The following ATRN variants were observed in gnomAD, a reference collection of about 807,000 sequenced individuals.
ATRN encodes the protein attractin, also known as attractin-2.
A neutral mutation model predicts 178.7 loss-of-function variants in ATRN; 54 were observed. The observed-to-expected ratio is 0.30, with a 90% CI of 0.24 to 0.38. ATRN has a LOEUF of 0.38. Among genes scored for constraint, ATRN ranks in the 10% least tolerant of loss-of-function variants. The probability of loss-of-function intolerance (pLI) is 1.00; values close to 1 mark genes in which losing one functional copy is unlikely to be tolerated. For missense variants in ATRN, 1,443 were observed against 1,815.1 expected (o/e 0.79, Z 3.73); for synonymous variants, 636 against 663.0 (o/e 0.96, Z 0.63).
intron 24 of ATRN, among the ~76,000 whole-genome samples, chr20:3,620,984 A>AT (rs908415193): frequency 8.6e-5 from 13 of 151,406 alleles, no homozygotes; most frequent in African/African-American, 1.9e-4. Flanking sequence ...TTTTTATTTT[A>AT]TTTTTTTTTA....
rs1241450033 is a variant in ATRN, at chr20:3,562,422, G to T, written c.1594G>T (p.Asp532Tyr). The change falls in exon 9 of 29, where the codon GAT becomes TAT. Residue 532 changes from aspartate to tyrosine, a missense_variant. Transcript: ENST00000262919. ...AFSANKYRLADDLYRYDVDTQ... is the reference protein window; with the variant it reads ...AFSANKYRLAYDLYRYDVDTQ... The stretch of plus-strand genomic sequence containing the variant: ...CAGTGCCAATAAGTACCGGCTTGCA[G>T]ATGATCTCTACCGATATGATGTGGA... The T allele has an allele frequency of 1.9e-6, 3 of 1,614,204 alleles. No homozygotes were observed. Among genetic ancestry groups the T allele is most frequent in the Admixed American group, 3.3e-5 (2 of 60,024 alleles).
At chr20:3,520,541 C>G (rs1031973297) in intron 1 of ATRN, among the ~76,000 whole-genome samples, 2 of 152,162 alleles carry the variant, frequency 1.3e-5, no homozygotes, top group Non-Finnish European at 2.9e-5. Context: ...GTCACCCAGG[C>G]TGGAGTGCAG....
chr20:3,619,158 C>T (rs1490892267), intron 24 of ATRN, among the ~76,000 whole-genome samples: 1 of 152,216 alleles, frequency 6.6e-6, no homozygotes, highest in Non-Finnish European at 1.5e-5. Context: ...AGCGGAAAGA[C>T]TTCACCTCAC....
intron 24 of ATRN, among the ~76,000 whole-genome samples, chr20:3,623,625 G>T (rs1235165827): frequency 1.3e-5 from 2 of 152,056 alleles, no homozygotes; most frequent in African/African-American, 4.8e-5. Context: ...ACCTTGGTCA[G>T]TAATTGTTTC....
chr20:3,630,021 C>G (rs1056098778), intron 25 of ATRN, among the ~76,000 whole-genome samples: 1 of 152,194 alleles, frequency 6.6e-6, no homozygotes, highest in Non-Finnish European at 1.5e-5. Flanking sequence ...TCTCCAGCCC[C>G]TTTCCCCTTC....
chr20:3,533,063 A>G (rs546538404), intron 1 of ATRN, among the ~76,000 whole-genome samples: 8 of 152,272 alleles, frequency 5.3e-5, no homozygotes, highest in African/African-American at 1.7e-4. Context: ...CGCCCAGCCT[A>G]TGGTATGGGC....
intron 11 of ATRN, among the ~76,000 whole-genome samples, chr20:3,570,800 C>T (rs2086110747): frequency 6.6e-6 from 1 of 152,144 alleles, no homozygotes; most frequent in African/African-American, 2.4e-5. Flanking sequence ...TAAGGGGTGA[C>T]AGGAGGGAGA....
At chr20:3,481,550 C>T (rs941991814) in intron 1 of ATRN, among the ~76,000 whole-genome samples, 17 of 152,016 alleles carry the variant, frequency 1.1e-4, no homozygotes, top group South Asian at 2.1e-4. Context: ...CTCACTATGT[C>T]GCCCAGGCTG....
At chr20:3,545,947 T>C in intron 4 of ATRN, 57 bp downstream of exon 4, 1 of 1,564,470 alleles carries the variant, frequency 6.4e-7, no homozygotes, top group South Asian at 1.1e-5. Flanking sequence ...CTACTATGTT[T>C]TAACAACAAT....
At chr20:3,558,961 A>G (rs1600105667) in intron 6 of ATRN, among the ~76,000 whole-genome samples, 1 of 152,322 alleles carries the variant, frequency 6.6e-6, no homozygotes, top group East Asian at 1.9e-4. Context: ...TTTTTAGTCA[A>G]TTATATAAAG....
Position 3,633,024 on chromosome 20 carries a change from G to C in ATRN, c.3864-1287G>C, listed in dbSNP as rs141759360. On this transcript the variant is annotated intron_variant, in intron 25 of 28. Coordinates refer to ENST00000262919, the MANE Select transcript of ATRN (RefSeq NM_139321.3). ...GCACACCTGTAGTCCAAGCTACTCA[G>C]GAGGCTAAAAGAGGAGAATAGAATC... Among the ~76,000 whole-genome samples, 1,215 of 152,294 alleles carry C rather than the reference G, an allele frequency of 8.0e-3. 21 individuals carry two copies. Among genetic ancestry groups the C allele is most frequent in the African/African-American group, 0.028 (1,145 of 41,558 alleles).
intron 25 of ATRN, among the ~76,000 whole-genome samples, chr20:3,627,980 G>A (rs1040733203): frequency 6.6e-6 from 1 of 152,140 alleles, no homozygotes; most frequent in Non-Finnish European, 1.5e-5. Flanking sequence ...AGACCATCCT[G>A]GCTAACACGG....
chr20:3,631,379 A>T, intron 25 of ATRN, among the ~76,000 whole-genome samples: 1 of 152,222 alleles, frequency 6.6e-6, no homozygotes, highest in East Asian at 1.9e-4. Flanking sequence ...AAATTCGATG[A>T]TTCAAATGAG....
At chr20:3,569,520 G>A (rs1361005435) in intron 11 of ATRN, among the ~76,000 whole-genome samples, 1 of 152,172 alleles carries the variant, frequency 6.6e-6, no homozygotes, top group East Asian at 1.9e-4. Context: ...TTCTGGGGAG[G>A]TCTGTGAGTG....
intron 27 of ATRN, among the ~76,000 whole-genome samples, chr20:3,639,249 GT>G (rs1278585506): frequency 6.7e-6 from 1 of 149,054 alleles, no homozygotes; most frequent in Non-Finnish European, 1.5e-5. Context: ...TCGAATCATT[GT>G]TTTTTTGTTT....
intron 22 of ATRN, among the ~76,000 whole-genome samples, chr20:3,599,437 A>T (rs1442340315): frequency 2.6e-5 from 4 of 152,188 alleles, no homozygotes; most frequent in African/African-American, 9.7e-5. Context: ...TTATCTTACG[A>T]CAGAATACTT....
chr20:3,624,040 G>C (rs1175853510), intron 24 of ATRN, among the ~76,000 whole-genome samples: 3 of 152,294 alleles, frequency 2.0e-5, no homozygotes, highest in Middle Eastern at 3.4e-3. Flanking sequence ...CAAAACGCGA[G>C]GCACAATTTT....
intron 22 of ATRN, among the ~76,000 whole-genome samples, chr20:3,599,682 A>G (rs1259992304): frequency 1.3e-5 from 2 of 152,192 alleles, no homozygotes; most frequent in African/African-American, 4.8e-5. Context: ...CAAGGGTTCT[A>G]TGGGCAGACT....
At position 3,608,967 on chromosome 20, in the gene ATRN, C is replaced by CAAAAAA. The variant is rs758329997; in HGVS notation, c.3801+4711_3801+4716dup. Among the ~76,000 whole-genome samples, 5 of 58,276 alleles carry CAAAAAA rather than the reference C, an allele frequency of 8.6e-5. No homozygotes were observed. In the South Asian group the frequency reaches 3.8e-3, roughly 44 times the overall value. The allele number at this position is 58,276 out of a possible 152,430, so 38.2% of individuals were successfully genotyped here. A position where few individuals can be genotyped will look rare whatever the true frequency, so the allele number is the denominator to read the frequency against. On this transcript the variant is annotated intron_variant, in intron 24 of 28. Coordinates refer to ENST00000262919, the MANE Select transcript of ATRN (RefSeq NM_139321.3). ...GGGCAAACAAAGCGAGACTCTGTCT[C>CAAAAAA]AAAAAAAAAAAGAAAAAAAAAAAAA...
Sources: allele counts gnomAD v4.1 joint callset (sites outside exome capture counted in the v4.1 genomes callset), GRCh38; gene constraint gnomAD v4.1.1; transcripts MANE v1.5; gene names NCBI Gene and HGNC (gene_info 2026-07-23, HGNC 2026-07-21).